Variants in MSRB2 observed in about 807,000 individuals in gnomAD.
MSRB2 encodes the protein methionine sulfoxide reductase B2, also known as methionine-R-sulfoxide reductase B2, mitochondrial.
A neutral mutation model predicts 19.0 loss-of-function variants in MSRB2; 17 were observed. The observed-to-expected ratio is 0.89, with a 90% confidence interval of 0.61 to 1.34. The LOEUF is 1.34. Among genes scored for constraint, MSRB2 ranks in the 40% most tolerant of loss-of-function variants. The pLI is 0.00. For missense variants in MSRB2, 208 were observed against 237.6 expected, an observed-to-expected ratio of 0.88 and a Z score of 0.82; for synonymous variants, 107 against 99.7, an observed-to-expected ratio of 1.07 and a Z score of -0.44.
At chr10:23,095,817 C>A in intron 1 of MSRB2, 91 bp downstream of exon 1, 1 of 872,152 alleles carries the variant, frequency 1.1e-6, no homozygotes, top group Non-Finnish European at 1.5e-6. Flanking sequence ...CCGGTCCAGG[C>A]CGGGCGCTGC....
At chr10:23,114,684 C>T (rs1840091600) in intron 3 of MSRB2, among the ~76,000 whole-genome samples, 1 of 152,230 alleles carries the variant, frequency 6.6e-6, no homozygotes. Context: ...TCTTCATGTG[C>T]ATCGTTTCGT....
chr10:23,119,104 A>G (rs546932378), intron 3 of MSRB2, 200 bp from the exon 4 acceptor site: 5 of 694,136 alleles, frequency 7.2e-6, no homozygotes, highest in African/African-American at 3.5e-5. Flanking sequence ...AAGTCCTTCC[A>G]CTTCGAGAGG....
intron 1 of MSRB2, 120 bp from the exon 2 acceptor site, chr10:23,104,024 A>T: frequency 3.2e-6 from 2 of 631,304 alleles, no homozygotes; most frequent in Admixed American, 6.7e-5. Flanking sequence ...CTCGTGGGAG[A>T]GAGAGGAAGG....
Position 23,110,272 on chromosome 10 carries a change from G to A in MSRB2, c.250G>A (p.Glu84Lys), listed in dbSNP as rs759780347. The A allele has an allele frequency of 4.3e-6, 7 of 1,613,800 alleles. No individual in the cohort carries two copies. The East Asian group carries it at 1.1e-4, about 26-fold the overall frequency. Residue 84 changes from glutamate to lysine, a missense_variant, in exon 3 of 5, where the codon GAA becomes AAA. Physicochemically the swap from Glu to Lys is moderately conservative, Grantham distance 56. Transcript: ENST00000376510. ...CAGTGGGATCTACCTGAATAACAAGGAAGCAGGAATGTATCATTGCGTGTG... is the reference window on the plus strand; with the variant it reads ...CAGTGGGATCTACCTGAATAACAAGAAAGCAGGAATGTATCATTGCGTGTG... ...PFSGIYLNNK[E>K]AGMYHCVCCD... is the part of the protein sequence containing the mutation.
rs563575310 is a variant in MSRB2, at chr10:23,100,965, G to A, written c.119-3179G>A. ...GGAGACGTAGTAGATAGATACCATG[G>A]TTTGAGGAGAGTGGAAAAGGTTTTT... On this transcript the variant is annotated intron_variant, in intron 1 of 4. Transcript: ENST00000376510. Among the ~76,000 whole-genome samples, 7 of 152,308 alleles carry A rather than the reference G, an allele frequency of 4.6e-5. 1 individual carries two copies. The highest frequency in any genetic ancestry group is 1.7e-4 in the African/African-American group (7 of 41,572).
intron 2 of MSRB2, among the ~76,000 whole-genome samples, chr10:23,106,026 G>A (rs1013888164): frequency 6.6e-6 from 1 of 152,146 alleles, no homozygotes. Context: ...TAATTCTCAG[G>A]TACAGAGCCA....
intron 2 of MSRB2, among the ~76,000 whole-genome samples, chr10:23,106,356 C>T (rs767465302): frequency 6.6e-5 from 10 of 152,180 alleles, no homozygotes; most frequent in Non-Finnish European, 1.5e-4. Context: ...TCTTGGGCAA[C>T]GGTAATGTGC....
intron 1 of MSRB2, among the ~76,000 whole-genome samples, chr10:23,102,666 G>A (rs1342316238): frequency 6.6e-6 from 1 of 152,012 alleles, no homozygotes; most frequent in African/African-American, 2.4e-5. Context: ...TTTCTTTTTT[G>A]TAATTAATAA....
rs370234904 is a variant in MSRB2 at position 23,105,562 on chromosome 10, T to C, written c.219+1318T>C. Among the ~76,000 whole-genome samples, 11 of 152,310 alleles carry C rather than the reference T, an allele frequency of 7.2e-5. No homozygotes were observed. In the South Asian group the frequency reaches 1.7e-3, roughly 23 times the overall value. ...TAGCTCTCACATATAAATGAGAACATAGTGCCGCGTTGCTTAACAAGTGGT... is the reference window on the plus strand; with the variant it reads ...TAGCTCTCACATATAAATGAGAACACAGTGCCGCGTTGCTTAACAAGTGGT... On this transcript the variant is annotated intron_variant, in intron 2 of 4. Coordinates refer to ENST00000376510, the MANE Select transcript of MSRB2 (RefSeq NM_012228.4).
intron 1 of MSRB2, among the ~76,000 whole-genome samples, chr10:23,100,733 C>T (rs1329577688): frequency 1.3e-5 from 2 of 152,136 alleles, no homozygotes; most frequent in Non-Finnish European, 2.9e-5. Flanking sequence ...TCACCTCCCA[C>T]CAGGCCCCAC....
chr10:23,113,242 C>A (rs1483390654), intron 3 of MSRB2, among the ~76,000 whole-genome samples: 1 of 152,174 alleles, frequency 6.6e-6, no homozygotes, highest in Non-Finnish European at 1.5e-5. Context: ...GCTCCCTGCT[C>A]CAGCTTGGCT....
At chr10:23,099,931 C>T (rs1162507349) in intron 1 of MSRB2, among the ~76,000 whole-genome samples, 1 of 152,174 alleles carries the variant, frequency 6.6e-6, no homozygotes, top group Non-Finnish European at 1.5e-5. Flanking sequence ...TCTCTAATTC[C>T]CACTTTCCAG....
rs1338571241 is a variant in MSRB2 at position 23,116,120 on chromosome 10, A to G, written c.297-3184A>G. 2.6e-5 allele frequency among the ~76,000 whole-genome samples: 4 copies of G among 152,370 alleles called. No individual in the cohort carries two copies. The East Asian group carries it at 7.7e-4, about 29-fold the overall frequency. On this transcript the variant is annotated intron_variant, in intron 3 of 4. Coordinates refer to ENST00000376510, the MANE Select transcript of MSRB2 (RefSeq NM_012228.4). ...TATTAATAATAAAAAAATATTAAAA[A>G]ATAGCTACCAACTCAAGTGCCATGT...
In MSRB2 at chr10:23,119,465, T is replaced by A; in HGVS notation, c.444+14T>A. The stretch of plus-strand genomic sequence containing the variant: ...GTCTGCAAGCAGGTGAGGTTTCTCA[T>A]TTTGTTTTACTTTCCCTGATGCTGC... On this transcript the variant is annotated intron_variant, in intron 4 of 4. Coordinates refer to ENST00000376510, the MANE Select transcript of MSRB2 (RefSeq NM_012228.4). The A allele has an allele frequency of 1.2e-6, 2 of 1,609,294 alleles. No homozygotes were observed. Among genetic ancestry groups the A allele is most frequent in the South Asian group, 1.1e-5 (1 of 90,684 alleles).
intron 3 of MSRB2, among the ~76,000 whole-genome samples, chr10:23,118,330 GTTTTTTGTTTTTT>G (rs1840136569): frequency 2.3e-5 from 2 of 86,644 alleles, no homozygotes; most frequent in Admixed American, 1.4e-4. Context: ...TCTTAGATTA[GTTTTTTGTTTTTT>G]TTTTTTTTTT....
At chr10:23,096,068 G>A (rs1007586093) in intron 1 of MSRB2, among the ~76,000 whole-genome samples, 1 of 151,982 alleles carries the variant, frequency 6.6e-6, no homozygotes, top group Admixed American at 6.5e-5. Flanking sequence ...AAGGCCCGGG[G>A]CCTGGGCTGT....
chr10:23,117,176 A>C (rs1474714526), intron 3 of MSRB2, among the ~76,000 whole-genome samples: 1 of 152,210 alleles, frequency 6.6e-6, no homozygotes, highest in Non-Finnish European at 1.5e-5. Context: ...AAGGTGATAC[A>C]GATGTAACAG....
chr10:23,114,303 T>C (rs1362078441), intron 3 of MSRB2, among the ~76,000 whole-genome samples: 2 of 150,358 alleles, frequency 1.3e-5, no homozygotes, highest in African/African-American at 2.5e-5. Flanking sequence ...TGAGCTGAGA[T>C]TGAGCCACTG....
At chr10:23,119,238 G>A in intron 3 of MSRB2, 66 bp from the exon 4 acceptor site, 1 of 1,578,766 alleles carries the variant, frequency 6.3e-7, no homozygotes, top group Non-Finnish European at 8.7e-7. Flanking sequence ...CAACACATCG[G>A]GGCACCTCTT....
Sources: allele counts gnomAD v4.1 joint callset (sites outside exome capture counted in the v4.1 genomes callset), GRCh38; gene constraint gnomAD v4.1.1; transcripts MANE v1.5; gene names NCBI Gene and HGNC (gene_info 2026-07-23, HGNC 2026-07-21).